DENND2A: variants seen among roughly 807,000 people sequenced by gnomAD.
DENND2A encodes the protein DENN domain containing 2A.
DENND2A carries 53 observed loss-of-function variants against 105.3 expected under a neutral mutation model. The ratio of observed to expected loss-of-function variants is 0.50; its 90% CI spans 0.40 to 0.63. DENND2A has a LOEUF of 0.63. Among genes scored for constraint, DENND2A ranks in the 30% least tolerant of loss-of-function variants. The pLI is 0.00. For synonymous variants in DENND2A, 522 were observed against 508.4 expected (o/e 1.03, Z -0.36); for missense variants, 1,138 against 1,279.6 (o/e 0.89, Z 1.69).
At chr7:140,558,275 C>A in intron 10 of DENND2A, 63 bp from the exon 11 acceptor site, 1 of 1,372,656 alleles carries the variant, frequency 7.3e-7, no homozygotes, top group South Asian at 1.2e-5. Flanking sequence ...CCTCATCACT[C>A]TGCAGCAAGG....
rs772199164 is a variant in DENND2A, at chr7:140,546,918, T to G, written c.2059A>C (p.Arg687=). Residue 687 remains arginine, a synonymous_variant, in exon 13 of 20, where the codon AGA becomes CGA. Transcript: ENST00000496613. ...ACCAGGGCAGGAGAGATGCCTCGTCTTTTTTCCACCTCATCCAAGATCTGC... is the reference window on the plus strand; with the variant it reads ...ACCAGGGCAGGAGAGATGCCTCGTCGTTTTTCCACCTCATCCAAGATCTGC... ...FSRILDEVEK[R]RGISPALVQP... is the part of the protein sequence containing the mutation. 1.9e-6 allele frequency: 3 copies of G among 1,612,856 alleles called. No individual in the cohort carries two copies. The highest frequency in any genetic ancestry group is 8.5e-7 in the Non-Finnish European group (1 of 1,179,272).
chr7:140,527,561 A>G lies in DENND2A; in HGVS notation c.2328-66T>C, dbSNP rs1023545495. 4.8e-6 allele frequency: 7 copies of G among 1,471,742 alleles called. No individual in the cohort carries two copies. The highest frequency in any genetic ancestry group is 6.4e-6 in the Non-Finnish European group (7 of 1,097,832). The allele number at this position is 1,471,742 out of a possible 1,614,324, so 91.2% of individuals were successfully genotyped here. A position where few individuals can be genotyped will look rare whatever the true frequency, so the allele number is the denominator to read the frequency against. On this transcript the variant is annotated intron_variant, in intron 14 of 19. Coordinates refer to ENST00000496613, the MANE Select transcript of DENND2A (RefSeq NM_015689.5). This position sits in a 1 kb window ranked among gnomAD's most constrained non-coding sequence, Gnocchi z 4.9. The stretch of plus-strand genomic sequence containing the variant: ...GAGGGCCCGAGGAAGCCTCCAGGGG[A>G]GAAGGCTCCTCCCAGAGACAGGATG...
chr7:140,562,953 C>T (rs1221615197), intron 9 of DENND2A, among the ~76,000 whole-genome samples: 3 of 152,196 alleles, frequency 2.0e-5, no homozygotes, highest in Non-Finnish European at 4.4e-5. Context: ...ATCACAAGCT[C>T]AGACTGTCCC....
intron 1 of DENND2A, among the ~76,000 whole-genome samples, chr7:140,614,093 T>A (rs1563179164): frequency 6.6e-6 from 1 of 152,036 alleles, no homozygotes; most frequent in Non-Finnish European, 1.5e-5. Flanking sequence ...GAGACACAGA[T>A]CTTTTTTATT....
chr7:140,548,173 T>A (rs1027722988), intron 12 of DENND2A, among the ~76,000 whole-genome samples: 1 of 152,080 alleles, frequency 6.6e-6, no homozygotes, highest in Non-Finnish European at 1.5e-5. Flanking sequence ...TGTCCTCCTA[T>A]GTCAGCCTCC....
chr7:140,580,269 T>C (rs1349293312), intron 5 of DENND2A, among the ~76,000 whole-genome samples: 1 of 150,134 alleles, frequency 6.7e-6, no homozygotes, highest in Non-Finnish European at 1.5e-5. Flanking sequence ...AATTACAATG[T>C]TTTCAGAAAA....
chr7:140,618,425 C>G (rs918275046), intron 1 of DENND2A, among the ~76,000 whole-genome samples: 5 of 152,110 alleles, frequency 3.3e-5, no homozygotes, highest in Non-Finnish European at 5.9e-5. Flanking sequence ...GCTAAGAAAC[C>G]CTTTTTGTTT....
Position 140,567,270 on chromosome 7 carries a change from T to C in DENND2A, c.1595A>G (p.His532Arg). The change falls in exon 9 of 20, where the codon CAC becomes CGC. Residue 532 changes from histidine to arginine, a missense_variant. Physicochemically the swap from His to Arg is conservative, Grantham distance 29. This residue lies in a region of DENND2A where 627 missense variants were observed against 779.8 expected (regional missense o/e 0.80). Coordinates refer to ENST00000496613, the MANE Select transcript of DENND2A (RefSeq NM_015689.5). ...CTTCACGTTGACCAGGCGCTGGCTG[T>C]GAGCTGGGTGAGGGAGGGAGAGAGA... ...DSDTEEKLKAHSQRLVNVKSR... is the reference protein window; with the variant it reads ...DSDTEEKLKARSQRLVNVKSR... The C allele has an allele frequency of 6.3e-7, 1 of 1,590,702 alleles. No individual in the cohort carries two copies. The highest frequency in any genetic ancestry group is 8.5e-7 in the Non-Finnish European group (1 of 1,169,666).
chr7:140,538,577 G>T (rs1796532149), intron 14 of DENND2A, among the ~76,000 whole-genome samples: 1 of 152,072 alleles, frequency 6.6e-6, no homozygotes, highest in African/African-American at 2.4e-5. Context: ...TGTGATCTCA[G>T]CTCACTGCAA....
intron 16 of DENND2A, among the ~76,000 whole-genome samples, chr7:140,524,771 G>A (rs770573553): frequency 6.6e-6 from 1 of 151,534 alleles, no homozygotes; most frequent in African/African-American, 2.4e-5. Flanking sequence ...ATAGACACAA[G>A]GGTCTCACCA....
intron 1 of DENND2A, among the ~76,000 whole-genome samples, chr7:140,638,359 A>G (rs552409889): frequency 6.6e-6 from 1 of 152,314 alleles, no homozygotes; most frequent in Non-Finnish European, 1.5e-5. Flanking sequence ...GCATTTGTGT[A>G]CATACTTGCT....
At chr7:140,572,997 G>T (rs1798158131) in intron 6 of DENND2A, among the ~76,000 whole-genome samples, 1 of 152,156 alleles carries the variant, frequency 6.6e-6, no homozygotes, top group Non-Finnish European at 1.5e-5. Context: ...TTGAGGCCAA[G>T]AGAAATCTAA....
chr7:140,562,646 A>C (rs560609669), intron 9 of DENND2A, among the ~76,000 whole-genome samples: 1 of 145,732 alleles, frequency 6.9e-6, no homozygotes, highest in East Asian at 2.3e-4. Flanking sequence ...TGGGTGACAA[A>C]GGGAGGCTCC....
intron 1 of DENND2A, among the ~76,000 whole-genome samples, chr7:140,635,087 A>T (rs1465399264): frequency 6.6e-6 from 1 of 151,488 alleles, no homozygotes; most frequent in African/African-American, 2.4e-5. Context: ...ACATGGGGAA[A>T]CTCTGTCTCT....
chr7:140,574,335 G>A (rs1317282414), intron 5 of DENND2A, among the ~76,000 whole-genome samples: 1 of 151,966 alleles, frequency 6.6e-6, no homozygotes, highest in Non-Finnish European at 1.5e-5. Context: ...TCTCCTCCCT[G>A]AGCCTCTCGA....
chr7:140,519,523 G>C, intron 19 of DENND2A, 109 bp downstream of exon 19: 1 of 889,966 alleles, frequency 1.1e-6, no homozygotes, highest in Non-Finnish European at 1.8e-6. Context: ...GCAGGCCGTA[G>C]AGCTCTGCAT....
intron 11 of DENND2A, among the ~76,000 whole-genome samples, chr7:140,556,874 C>T (rs1797384551): frequency 6.6e-6 from 1 of 152,022 alleles, no homozygotes. Context: ...AAAGAATGGG[C>T]CTGAAAATGA....
In DENND2A at chr7:140,573,913, C is replaced by T. The variant is rs753779299; in HGVS notation, c.1341G>A (p.Gly447=). Residue 447 remains glycine, a synonymous_variant, in exon 6 of 20, where the codon GGG becomes GGA. Coordinates refer to ENST00000496613, the MANE Select transcript of DENND2A (RefSeq NM_015689.5). ...DTRKLSRDGT[G]SPSKISPPST... is the part of the protein sequence containing the mutation. Reference sequence around the variant, plus strand: ...AGGGAGGGCTGATTTTGGAAGGGGACCCAGTTCCATCCCGACTCAGCTTCC... The same window carrying T: ...AGGGAGGGCTGATTTTGGAAGGGGATCCAGTTCCATCCCGACTCAGCTTCC... The T allele has an allele frequency of 6.5e-5, 105 of 1,614,094 alleles. No individual in the cohort carries two copies. The highest frequency in any genetic ancestry group is 8.8e-5 in the Non-Finnish European group (104 of 1,180,016).
At chr7:140,522,773 A>G (rs1795909534) in intron 17 of DENND2A, among the ~76,000 whole-genome samples, 1 of 151,112 alleles carries the variant, frequency 6.6e-6, no homozygotes, top group Non-Finnish European at 1.5e-5. Flanking sequence ...ATGGCCAGCT[A>G]ATTTTTGTAT....
Sources: allele counts gnomAD v4.1 joint callset (sites outside exome capture counted in the v4.1 genomes callset), GRCh38; gene constraint gnomAD v4.1.1; regional missense constraint gnomAD v4.1.1; non-coding constraint Gnocchi (gnomAD v3.1); transcripts MANE v1.5; gene names NCBI Gene and HGNC (gene_info 2026-07-23, HGNC 2026-07-21).